Variants in LCOR observed in about 807,000 individuals in gnomAD.
The protein encoded by LCOR is ligand-dependent corepressor.
In LCOR, 14 loss-of-function variants were observed where a neutral mutation model predicts 64.4. That is an observed-to-expected ratio of 0.22 (90% CI 0.14 to 0.34). The LOEUF (loss-of-function observed/expected upper bound fraction) is 0.34. Ranked by LOEUF, LCOR falls within the 10% of genes least tolerant of loss-of-function variation. The pLI is 1.00. For synonymous variants in LCOR, 643 were observed against 642.5 expected (o/e 1.00, Z -0.01); for missense variants, 1,686 against 1,765.3 (o/e 0.96, Z 0.80).
chr10:96,915,635 C>A (rs906449316), intron 4 of LCOR: 2 of 885,484 alleles, frequency 2.3e-6, no homozygotes, highest in South Asian at 1.3e-5. Flanking sequence ...ACACTTCACT[C>A]GGCATCTGCA....
Position 96,982,985 on chromosome 10 carries a change from G to C in LCOR, c.2525G>C (p.Cys842Ser). The change falls in exon 8 of 8, where the codon TGT (cysteine) becomes TCT (serine). Residue 842 changes from cysteine to serine, a missense_variant. Physicochemically the swap from Cys to Ser is moderately radical, Grantham distance 112. Around this residue, in one of 3 missense-constraint regions of LCOR, gnomAD observed 1,293 missense variants for 1,410.4 expected, o/e 0.92. Transcript: ENST00000421806. ...CAGAGTTCAGATTCTTCCTCAGCTT[G>C]TCTTGAAATCAAAGTTCCTAAAAAT... ...RNQSSDSSSA[C>S]LEIKVPKNPS... 1 of 1,613,092 alleles carries C rather than the reference G, an allele frequency of 6.2e-7. No homozygotes were observed. The highest frequency in any genetic ancestry group is 1.7e-5 in the Admixed American group (1 of 59,788).
rs763679212 is a variant in LCOR at position 96,982,903 on chromosome 10, A to G, written c.2443A>G (p.Arg815Gly). 23 of 1,613,904 alleles carry G rather than the reference A, an allele frequency of 1.4e-5. No individual in the cohort carries two copies. Among genetic ancestry groups the G allele is most frequent in the Non-Finnish European group, 1.9e-5 (22 of 1,180,012 alleles). ...TAAAAAATTCCCTGAGGCCTCTGAT[A>G]GGTGCCTAAGAAGTCAACTTTCGGA... ...KGKKFPEASD[R>G]CLRSQLSDSS... Residue 815 changes from arginine (R) to glycine (G), a missense_variant, in exon 8 of 8, where the codon AGG becomes GGG. By Grantham distance (125) the Arg-to-Gly change is moderately radical. This residue lies in a region of LCOR where 1,293 missense variants were observed against 1,410.4 expected (regional missense o/e 0.92). Transcript: ENST00000421806.
chr10:96,976,201 T>C (rs1018185560), intron 7 of LCOR, among the ~76,000 whole-genome samples: 10 of 152,332 alleles, frequency 6.6e-5, no homozygotes, highest in Non-Finnish European at 4.4e-5. Context: ...TTTTTGTTGA[T>C]GCCATTTTCT....
chr10:96,908,612 A>G (rs999458106), intron 4 of LCOR, among the ~76,000 whole-genome samples: 1 of 151,320 alleles, frequency 6.6e-6, no homozygotes, highest in African/African-American at 2.4e-5. Flanking sequence ...GTTAGAAAAC[A>G]TTTCACTTGT....
intron 4 of LCOR, among the ~76,000 whole-genome samples, chr10:96,941,061 GA>G (rs1325624020): frequency 6.3e-5 from 7 of 110,784 alleles, no homozygotes; most frequent in Admixed American, 5.0e-4. Context: ...GCGGCTGGCC[GA>G]CCCCCCCCCC....
At chr10:96,897,081 A>AAG in intron 2 of LCOR, among the ~76,000 whole-genome samples, 2 of 149,232 alleles carry the variant, frequency 1.3e-5, no homozygotes, top group African/African-American at 5.0e-5. Context: ...GAGAAAGAGA[A>AAG]AGAGAAAGAG....
intron 2 of LCOR, among the ~76,000 whole-genome samples, chr10:96,873,571 CGTGTGTGTGTGTG>C (rs1846110272): frequency 2.5e-4 from 32 of 126,340 alleles, no homozygotes; most frequent in African/African-American, 9.0e-4. Flanking sequence ...CACACACACA[CGTGTGTGTGTGTG>C]TGTGTGTGTG....
intron 4 of LCOR, among the ~76,000 whole-genome samples, chr10:96,942,316 G>A (rs1463254565): frequency 6.7e-5 from 10 of 150,328 alleles, no homozygotes; most frequent in African/African-American, 1.5e-4. Context: ...GGCGGCGCGC[G>A]CCTGCAATCG....
intron 4 of LCOR, among the ~76,000 whole-genome samples, chr10:96,908,310 A>G (rs1589647694): frequency 6.6e-6 from 1 of 152,254 alleles, no homozygotes; most frequent in African/African-American, 2.4e-5. Context: ...TTTTATTTAT[A>G]TAGTTCACTA....
rs760497104 is a variant in LCOR at position 96,855,745 on chromosome 10, CTTTTG to C, written c.-330+22277_-330+22281del. ...GCCACAGTGCCTGGCCTGTCTAATG[CTTTTG>C]TTTTGTTTTGAGACGGAGTCTCACT... On this transcript the variant is annotated intron_variant, in intron 2 of 7. Coordinates refer to ENST00000421806, the MANE Select transcript of LCOR (RefSeq NM_001346516.2). Among the ~76,000 whole-genome samples, 13 of 143,814 alleles carry C rather than the reference CTTTTG, an allele frequency of 9.0e-5. No individual in the cohort carries two copies. In the East Asian group the frequency reaches 1.1e-3, roughly 12 times the overall value. The allele number at this position is 143,814 out of a possible 152,430, so 94.3% of individuals were successfully genotyped here.
intron 4 of LCOR, among the ~76,000 whole-genome samples, chr10:96,937,417 A>T (rs187397253): frequency 6.6e-6 from 1 of 152,342 alleles, no homozygotes; most frequent in Non-Finnish European, 1.5e-5. Flanking sequence ...ACCCCTAGGG[A>T]ACTAATACTT....
In LCOR at chr10:96,983,339, A is replaced by G. The variant is rs777467092; in HGVS notation, c.2879A>G (p.His960Arg). ...VQSKMDEKNA[H>R]IPSESIACKR... Reference sequence around the variant, plus strand: ...TCTAAAATGGATGAGAAGAATGCTCATATCCCCTCAGAAAGTATTGCTTGT... The same window carrying G: ...TCTAAAATGGATGAGAAGAATGCTCGTATCCCCTCAGAAAGTATTGCTTGT... Residue 960 changes from histidine to arginine, a missense_variant, in exon 8 of 8, where the codon CAT becomes CGT. Transcript: ENST00000421806. The surrounding 1 kb of genome is among the most constrained non-coding windows in gnomAD (Gnocchi z 4.5). 7 of 1,614,248 alleles carry G rather than the reference A, an allele frequency of 4.3e-6. No homozygotes were observed. Among genetic ancestry groups the G allele is most frequent in the Non-Finnish European group, 5.9e-6 (7 of 1,180,044 alleles).
chr10:96,920,269 C>G (rs1026236121), intron 4 of LCOR, among the ~76,000 whole-genome samples: 1 of 151,492 alleles, frequency 6.6e-6, no homozygotes, highest in Non-Finnish European at 1.5e-5. Flanking sequence ...TGCTGAACAG[C>G]TTTTCATGTG....
Position 96,986,297 on chromosome 10 carries a change from C to G in LCOR, c.*1163C>G, listed in dbSNP as rs1285516008. 1.9e-5 allele frequency: 3 copies of G among 161,178 alleles called. No individual in the cohort carries two copies. In the East Asian group the frequency reaches 5.8e-4, roughly 31 times the overall value. The allele number at this position is 161,178 out of a possible 1,614,324, so 10.0% of individuals were successfully genotyped here. On this transcript the variant is annotated 3_prime_UTR_variant, in exon 8 of 8. Coordinates refer to ENST00000421806, the MANE Select transcript of LCOR (RefSeq NM_001346516.2). ...GTCTCTGTGAGCATCCCCAATACCA[C>G]TTTGGTACCAGACTCAGAAAGATCT...
At chr10:96,933,425 T>G (rs1021858944) in intron 4 of LCOR, among the ~76,000 whole-genome samples, 3 of 152,240 alleles carry the variant, frequency 2.0e-5, no homozygotes, top group Non-Finnish European at 2.9e-5. Flanking sequence ...TGGTGAAACC[T>G]TTATTTATAT....
intron 7 of LCOR, among the ~76,000 whole-genome samples, chr10:96,971,252 G>T (rs1847996538): frequency 6.6e-6 from 1 of 151,866 alleles, no homozygotes; most frequent in Non-Finnish European, 1.5e-5. Flanking sequence ...CATTTTTTTT[G>T]AAAGGTTATT....
intron 2 of LCOR, among the ~76,000 whole-genome samples, chr10:96,885,480 C>G (rs978112018): frequency 1.3e-5 from 2 of 151,956 alleles, no homozygotes; most frequent in Non-Finnish European, 2.9e-5. Flanking sequence ...CTCCCAGGCC[C>G]TAGCGACCCT....
At chr10:96,944,545 G>T (rs1847553701) in intron 5 of LCOR, among the ~76,000 whole-genome samples, 1 of 150,588 alleles carries the variant, frequency 6.6e-6, no homozygotes, top group African/African-American at 2.4e-5. Flanking sequence ...CTTTTCTTAT[G>T]GAGACAGTTA....
chr10:96,896,254 C>G (rs924962061), intron 2 of LCOR, among the ~76,000 whole-genome samples: 2 of 152,168 alleles, frequency 1.3e-5, no homozygotes, highest in Admixed American at 1.3e-4. Flanking sequence ...ATAGTCATAC[C>G]TTATGTCATT....
Sources: allele counts gnomAD v4.1 joint callset (sites outside exome capture counted in the v4.1 genomes callset), GRCh38; gene constraint gnomAD v4.1.1; regional missense constraint gnomAD v4.1.1; non-coding constraint Gnocchi (gnomAD v3.1); transcripts MANE v1.5; gene names NCBI Gene and HGNC (gene_info 2026-07-23, HGNC 2026-07-21).